Variants in UNC5D observed in about 807,000 individuals in gnomAD.
UNC5D encodes unc-5 netrin receptor D.
UNC5D carries 39 observed loss-of-function variants against 105.4 expected under a neutral mutation model. The observed-to-expected ratio is 0.37, with a 90% CI of 0.29 to 0.48. UNC5D has a LOEUF of 0.48. Ranked by LOEUF, UNC5D falls within the 20% of genes least tolerant of loss-of-function variation. The probability of loss-of-function intolerance (pLI) is 0.98; values close to 1 mark genes in which losing one functional copy is unlikely to be tolerated. For synonymous variants in UNC5D, 452 were observed against 450.4 expected (o/e 1.00, Z -0.04); for missense variants, 991 against 1,202.4 (o/e 0.82, Z 2.60).
intron 1 of UNC5D, among the ~76,000 whole-genome samples, chr8:35,359,530 C>T (rs1318095008): frequency 6.6e-6 from 1 of 152,152 alleles, no homozygotes. Flanking sequence ...TGACATGGGA[C>T]ATTCTGATTA....
At chr8:35,498,334 C>T (rs75688711) in intron 1 of UNC5D, among the ~76,000 whole-genome samples, 67 of 151,428 alleles carry the variant, frequency 4.4e-4, no homozygotes, top group Non-Finnish European at 8.5e-4. Context: ...GGGTGACAAA[C>T]CCAGTGAAAA....
At chr8:35,646,061 A>C (rs919415842) in intron 4 of UNC5D, among the ~76,000 whole-genome samples, 2 of 152,144 alleles carry the variant, frequency 1.3e-5, no homozygotes, top group Non-Finnish European at 2.9e-5. Context: ...AACCAAAGAA[A>C]TGGATTAGAA....
intron 1 of UNC5D, among the ~76,000 whole-genome samples, chr8:35,535,098 C>T (rs763049691): frequency 6.6e-6 from 1 of 152,080 alleles, no homozygotes; most frequent in Non-Finnish European, 1.5e-5. Flanking sequence ...ATCTCCTGAC[C>T]CAGACCCTGG....
intron 1 of UNC5D, among the ~76,000 whole-genome samples, chr8:35,396,509 T>TC (rs932000016): frequency 2.6e-5 from 4 of 151,656 alleles, no homozygotes; most frequent in Non-Finnish European, 2.9e-5. Flanking sequence ...TTTTTTTTTT[T>TC]CCCGGGAGAC....
intron 1 of UNC5D, among the ~76,000 whole-genome samples, chr8:35,411,598 A>C (rs755322055): frequency 2.2e-4 from 34 of 152,080 alleles, no homozygotes; most frequent in Non-Finnish European, 4.1e-4. Flanking sequence ...TCTCAGCTTG[A>C]ATATCACCTA....
intron 1 of UNC5D, among the ~76,000 whole-genome samples, chr8:35,312,846 G>C (rs1809001670): frequency 6.6e-6 from 1 of 152,132 alleles, no homozygotes; most frequent in South Asian, 2.1e-4. Flanking sequence ...AGTCACTGTT[G>C]TGTAACATTT....
At chr8:35,680,659 G>C (rs184693523) in intron 4 of UNC5D, among the ~76,000 whole-genome samples, 1 of 152,062 alleles carries the variant, frequency 6.6e-6, no homozygotes, top group Non-Finnish European at 1.5e-5. Flanking sequence ...TCTACTTGAC[G>C]GTTGTACCTT....
intron 1 of UNC5D, among the ~76,000 whole-genome samples, chr8:35,331,881 A>G (rs977853086): frequency 2.6e-5 from 4 of 152,184 alleles, no homozygotes; most frequent in African/African-American, 9.7e-5. Flanking sequence ...AGATCTTGGT[A>G]GAGGTGGCAA....
intron 3 of UNC5D, among the ~76,000 whole-genome samples, chr8:35,578,186 T>A (rs1290864278): frequency 7.3e-6 from 1 of 136,796 alleles, no homozygotes; most frequent in Non-Finnish European, 1.5e-5. Context: ...AATCATGTCA[T>A]TGCACTCCAG....
intron 8 of UNC5D, chr8:35,721,402 A>C (rs1734907378): frequency 2.8e-6 from 2 of 702,742 alleles, no homozygotes; most frequent in Non-Finnish European, 5.2e-6. Flanking sequence ...AGGCACCCAC[A>C]TTCTAAATTC....
At chr8:35,620,887 A>T (rs1352633019) in intron 4 of UNC5D, among the ~76,000 whole-genome samples, 2 of 152,164 alleles carry the variant, frequency 1.3e-5, no homozygotes, top group Non-Finnish European at 2.9e-5. Context: ...GTCATTCAAC[A>T]CTGAAGACTC....
intron 1 of UNC5D, among the ~76,000 whole-genome samples, chr8:35,322,459 A>G (rs1809823353): frequency 6.6e-6 from 1 of 151,808 alleles, no homozygotes; most frequent in Non-Finnish European, 1.5e-5. Context: ...CTTCATTGGG[A>G]TTAGCATGTG....
At chr8:35,640,095 C>G (rs1052520327) in intron 4 of UNC5D, among the ~76,000 whole-genome samples, 3 of 151,870 alleles carry the variant, frequency 2.0e-5, no homozygotes, top group African/African-American at 4.8e-5. Context: ...TAAGATGTGT[C>G]CTATTGGTCT....
At chr8:35,576,677 A>G (rs961731612) in intron 3 of UNC5D, among the ~76,000 whole-genome samples, 5 of 152,164 alleles carry the variant, frequency 3.3e-5, no homozygotes, top group African/African-American at 7.2e-5. Context: ...CAGTGGCACA[A>G]TCACGGCTCA....
intron 1 of UNC5D, among the ~76,000 whole-genome samples, chr8:35,444,976 A>T (rs1807675829): frequency 6.6e-6 from 1 of 152,056 alleles, no homozygotes; most frequent in African/African-American, 2.4e-5. Context: ...CTCAGTTTAG[A>T]TGATAAACTA....
chr8:35,338,017 A>T (rs1811181267), intron 1 of UNC5D, among the ~76,000 whole-genome samples: 1 of 152,268 alleles, frequency 6.6e-6, no homozygotes, highest in Non-Finnish European at 1.5e-5. Context: ...AGTATTCATA[A>T]TCAGAGTACT....
At chr8:35,512,399 T>G (rs1321890056) in intron 1 of UNC5D, among the ~76,000 whole-genome samples, 1 of 138,804 alleles carries the variant, frequency 7.2e-6, no homozygotes, top group Non-Finnish European at 1.5e-5. Context: ...TTATATAGTC[T>G]TAGCTACTCA....
At chr8:35,471,492 A>C (rs1178245393) in intron 1 of UNC5D, among the ~76,000 whole-genome samples, 1 of 152,200 alleles carries the variant, frequency 6.6e-6, no homozygotes, top group Non-Finnish European at 1.5e-5. Context: ...ATATTGGAGA[A>C]AATAAATGAA....
chr8:35,265,286 C>G (rs1230039722), intron 1 of UNC5D, among the ~76,000 whole-genome samples: 57 of 151,212 alleles, frequency 3.8e-4, no homozygotes, highest in Admixed American at 3.8e-3. Context: ...TATGCTAGGT[C>G]TTTTTTTTTC....
Sources: allele counts gnomAD v4.1 joint callset (sites outside exome capture counted in the v4.1 genomes callset), GRCh38; gene constraint gnomAD v4.1.1; transcripts MANE v1.5; gene names NCBI Gene and HGNC (gene_info 2026-07-23, HGNC 2026-07-21).